The following UMPS variants were observed in gnomAD, a reference collection of about 807,000 sequenced individuals.
UMPS encodes uridine monophosphate synthetase.
In UMPS, 21 loss-of-function variants were observed where a neutral mutation model predicts 38.9. That is an observed-to-expected ratio of 0.54 (90% CI 0.38 to 0.78). The LOEUF is 0.78. Among genes scored for constraint, UMPS ranks in the 30% least tolerant of loss-of-function variants. The probability of loss-of-function intolerance (pLI) is 0.00; values close to 1 mark genes in which losing one functional copy is unlikely to be tolerated. For synonymous variants in UMPS, 208 were observed against 219.3 expected (o/e 0.95, Z 0.45); for missense variants, 533 against 591.6 (o/e 0.90, Z 1.03).
chr3:124,740,225 AG>A (rs775146946), intron 4 of UMPS, 26 bp downstream of exon 4: 7 of 1,587,048 alleles, frequency 4.4e-6, no homozygotes, highest in South Asian at 1.1e-5. Context: ...ACTGGGTGAG[AG>A]GGGGCAGGGG....
At chr3:124,737,490 TAC>T (rs1305376176) in intron 2 of UMPS, 76 bp from the exon 3 acceptor site, 2 of 1,395,906 alleles carry the variant, frequency 1.4e-6, no homozygotes, top group African/African-American at 1.4e-5. Flanking sequence ...AAGTTTTGTA[TAC>T]AGAGTGTGTG....
intron 1 of UMPS, chr3:124,732,359 T>G (rs1038343690): frequency 6.5e-6 from 1 of 154,790 alleles, no homozygotes; most frequent in Non-Finnish European, 1.5e-5. Context: ...AGGTTTTTAG[T>G]CAATATAAGG....
In UMPS at chr3:124,738,173, G is replaced by A. The variant is rs2063530809; in HGVS notation, c.916G>A (p.Glu306Lys). The change falls in exon 3 of 6, where the codon GAG (glutamate) becomes AAG (lysine). Residue 306 changes from glutamate to lysine, a missense_variant. Coordinates refer to ENST00000232607, the MANE Select transcript of UMPS (RefSeq NM_000373.4). ...GTTGATAACTCTGGCAAAATGCCAT[G>A]AGTTCTTGATATTTGAAGACCGGAA... ...KELITLAKCH[E>K]FLIFEDRKFA... The A allele has an allele frequency of 6.2e-7, 1 of 1,614,170 alleles. No individual in the cohort carries two copies.
intron 1 of UMPS, among the ~76,000 whole-genome samples, chr3:124,734,662 C>G (rs2063504929): frequency 6.6e-6 from 1 of 152,092 alleles, no homozygotes; most frequent in African/African-American, 2.4e-5. Context: ...AAGTTTGAGA[C>G]TTACCCCCAC....
At position 124,747,765 on chromosome 3, in the gene UMPS, C is replaced by A. The variant is rs913462137; in HGVS notation, c.*3681C>A. 8.9e-6 allele frequency: 4 copies of A among 451,212 alleles called. No homozygotes were observed. The highest frequency in any genetic ancestry group is 8.0e-5 in the African/African-American group (4 of 49,972). The allele number at this position is 451,212 out of a possible 1,614,324, so 28.0% of individuals were successfully genotyped here. A position where few individuals can be genotyped will look rare whatever the true frequency, so the allele number is the denominator to read the frequency against. ...ACAAAAACTGGGCTCCACCAGGAAC[C>A]AGTCTTCTGCCTTCCCAACCATCAC... is the stretch of plus-strand genomic sequence containing the variant. On this transcript the variant is annotated 3_prime_UTR_variant, in exon 6 of 6. Transcript: ENST00000232607.
In UMPS at chr3:124,745,992, A is replaced by T. The variant is rs1165075787; in HGVS notation, c.*1908A>T. The T allele has an allele frequency of 2.2e-6, 1 of 453,996 alleles. No individual in the cohort carries two copies. Among genetic ancestry groups the T allele is most frequent in the Non-Finnish European group, 4.4e-6 (1 of 226,800 alleles). 28.1% of individuals were successfully genotyped at this position (453,996 alleles called of 1,614,324 possible). A position where few individuals can be genotyped will look rare whatever the true frequency, so the allele number is the denominator to read the frequency against. On this transcript the variant is annotated 3_prime_UTR_variant, in exon 6 of 6. Coordinates refer to ENST00000232607, the MANE Select transcript of UMPS (RefSeq NM_000373.4). ...ATGGGGCTTGAGAATTTGCGTTTCC[A>T]AAAAGGTCCCAGGTGATGCTGCGGT...
chr3:124,740,128 C>T lies in UMPS; in HGVS notation c.1087C>T (p.Arg363Trp), dbSNP rs377750200. ...GCAAGAAGTGGGCCTGCCTTTGCATCGGGGGTGCCTCCTTATTGCGGAAAT... is the reference window on the plus strand; with the variant it reads ...GCAAGAAGTGGGCCTGCCTTTGCATTGGGGGTGCCTCCTTATTGCGGAAAT... ...GLQEVGLPLH[R>W]GCLLIAEMSS... The change falls in exon 4 of 6, where the codon CGG becomes TGG. Residue 363 changes from arginine to tryptophan, a missense_variant. Arg to Trp is a moderately radical substitution (Grantham distance 101). Coordinates refer to ENST00000232607, the MANE Select transcript of UMPS (RefSeq NM_000373.4). 21 of 1,613,870 alleles carry T rather than the reference C, an allele frequency of 1.3e-5. No homozygotes were observed. The highest frequency in any genetic ancestry group is 2.7e-5 in the African/African-American group (2 of 74,860).
At position 124,737,658 on chromosome 3, in the gene UMPS, A is replaced by C. The variant is rs1371770537; in HGVS notation, c.401A>C (p.Glu134Ala). The C allele has an allele frequency of 1.9e-6, 3 of 1,614,174 alleles. No individual in the cohort carries two copies. The Admixed American group carries it at 5.0e-5, about 27-fold the overall frequency. The change falls in exon 3 of 6, where the codon GAA (glutamate) becomes GCA (alanine). Residue 134 changes from glutamate (E) to alanine (A), a missense_variant. By Grantham distance (107) the Glu-to-Ala change is moderately radical (BLOSUM62 -1). Transcript: ENST00000232607. The stretch of plus-strand genomic sequence containing the variant: ...GTCACCAGTGGATCTAGTGTTTTGG[A>C]AACTGTTGAGGTTCTTCAGAAGGAG... ...DVVTSGSSVL[E>A]TVEVLQKEGL... is the part of the protein sequence containing the mutation.
chr3:124,732,693 A>G (rs1346346587), intron 1 of UMPS, among the ~76,000 whole-genome samples: 1 of 152,232 alleles, frequency 6.6e-6, no homozygotes, highest in African/African-American at 2.4e-5. Context: ...CATTGCAGAA[A>G]GTTCTATCAA....
chr3:124,742,912 T>C (rs917468530), intron 5 of UMPS, among the ~76,000 whole-genome samples: 3 of 152,216 alleles, frequency 2.0e-5, no homozygotes, highest in Non-Finnish European at 4.4e-5. Context: ...TTGCAACATA[T>C]GAGTTTTACT....
Position 124,744,408 on chromosome 3 carries a change from T to C in UMPS, c.*324T>C. On this transcript the variant is annotated 3_prime_UTR_variant, in exon 6 of 6. Transcript: ENST00000232607. ...TCCATGGGACTAGACTGCTTTGTTA[T>C]TCTATTTATTTTTTAATTTTTTTCG... 2.1e-6 allele frequency: 1 copy of C among 467,568 alleles called. No individual in the cohort carries two copies. The highest frequency in any genetic ancestry group is 1.5e-5 in the South Asian group (1 of 64,560). 29.0% of individuals were successfully genotyped at this position (467,568 alleles called of 1,614,324 possible). A position where few individuals can be genotyped will look rare whatever the true frequency, so the allele number is the denominator to read the frequency against.
chr3:124,748,363 T>C lies in UMPS; in HGVS notation c.*4279T>C, dbSNP rs888337042. On this transcript the variant is annotated 3_prime_UTR_variant, in exon 6 of 6. Transcript: ENST00000232607. ...CTTTCACATTTGTAATTTGGCCTTG[T>C]ATGAGTTACCCTGCAATCCCTTTGT... The C allele has an allele frequency of 7.0e-5, 32 of 454,068 alleles. No homozygotes were observed. Among genetic ancestry groups the C allele is most frequent in the Middle Eastern group, 1.4e-3 (2 of 1,444 alleles). The allele number at this position is 454,068 out of a possible 1,614,324, so 28.1% of individuals were successfully genotyped here. A position where few individuals can be genotyped will look rare whatever the true frequency, so the allele number is the denominator to read the frequency against.
chr3:124,743,115 C>T (rs1309293380), intron 5 of UMPS, among the ~76,000 whole-genome samples: 1 of 152,008 alleles, frequency 6.6e-6, no homozygotes, highest in Non-Finnish European at 1.5e-5. Context: ...GGGCAGATCA[C>T]CTGAGGTCAG....
At chr3:124,731,128 C>T (rs2063472843) in intron 1 of UMPS, among the ~76,000 whole-genome samples, 1 of 152,038 alleles carries the variant, frequency 6.6e-6, no homozygotes, top group African/African-American at 2.4e-5. Context: ...ATCACCTGAG[C>T]CTGGGAGGTC....
Position 124,747,243 on chromosome 3 carries a change from T to C in UMPS, c.*3159T>C. ...GGAGGAGGTTCTCACTGTGACTCAG[T>C]GTGTGCCCGACAGCAGAGCCCACAC... On this transcript the variant is annotated 3_prime_UTR_variant, in exon 6 of 6. Transcript: ENST00000232607. 2 of 451,032 alleles carry C rather than the reference T, an allele frequency of 4.4e-6. No individual in the cohort carries two copies. The highest frequency in any genetic ancestry group is 8.9e-6 in the Non-Finnish European group (2 of 224,584). 27.9% of individuals were successfully genotyped at this position (451,032 alleles called of 1,614,324 possible).
rs1321215856 is a variant in UMPS at position 124,747,116 on chromosome 3, G to A, written c.*3032G>A. 1 of 453,904 alleles carries A rather than the reference G, an allele frequency of 2.2e-6. No individual in the cohort carries two copies. Among genetic ancestry groups the A allele is most frequent in the South Asian group, 1.6e-5 (1 of 64,442 alleles). 28.1% of individuals were successfully genotyped at this position (453,904 alleles called of 1,614,324 possible). On this transcript the variant is annotated 3_prime_UTR_variant, in exon 6 of 6. Coordinates refer to ENST00000232607, the MANE Select transcript of UMPS (RefSeq NM_000373.4). ...GCTCAAGCGATCCGCTCAAGTAGCT[G>A]GAACTACTCTCAAGTAGCTCTCAAG...
Position 124,737,815 on chromosome 3 carries a change from G to GA in UMPS, c.564dup (p.Val189SerfsTer2). 1.2e-5 allele frequency: 20 copies of GA among 1,614,192 alleles called. No individual in the cohort carries two copies. Among genetic ancestry groups the GA allele is most frequent in the Non-Finnish European group, 1.7e-5 (20 of 1,180,032 alleles). On this transcript the variant is annotated frameshift_variant, in exon 3 of 6. Transcript: ENST00000232607. LOFTEE classifies it high-confidence loss of function. ...AAATGCTGGAGATTCTCGAGCAGCA[G>GA]AAAAAAGTTGATGCTGAGACAGTTG...
rs17843790 is a variant in UMPS, at chr3:124,731,668, G to A, written c.156+1041G>A. ...GAGGCTTTCTTTGGGAGGCTGAGGC[G>A]GGTGGATCACTTAAGGTCTGGAGTT... On this transcript the variant is annotated intron_variant, in intron 1 of 5. Coordinates refer to ENST00000232607, the MANE Select transcript of UMPS (RefSeq NM_000373.4). 1.1e-3 allele frequency: 262 copies of A among 234,230 alleles called. 1 individual carries two copies. The highest frequency in any genetic ancestry group is 5.8e-3 in the African/African-American group (253 of 43,568). 14.5% of individuals were successfully genotyped at this position (234,230 alleles called of 1,614,324 possible). A position where few individuals can be genotyped will look rare whatever the true frequency, so the allele number is the denominator to read the frequency against.
In UMPS at chr3:124,735,149, G is replaced by A. The variant is rs1346309623; in HGVS notation, c.213G>A (p.Val71=). ...ATGCAGGCATCAGTTTTGACACCGT[G>A]TGTGGAGTGCCTTATACAGCTTTGC... ...AQNAGISFDT[V]CGVPYTALPL... The change falls in exon 2 of 6, where the codon GTG becomes GTA. Residue 71 remains valine, a synonymous_variant. Coordinates refer to ENST00000232607, the MANE Select transcript of UMPS (RefSeq NM_000373.4). 1 of 1,614,172 alleles carries A rather than the reference G, an allele frequency of 6.2e-7. No homozygotes were observed. Among genetic ancestry groups the A allele is most frequent in the Non-Finnish European group, 8.5e-7 (1 of 1,180,008 alleles).
Sources: gnomAD v4.1 joint callset for allele counts (sites outside exome capture counted in the v4.1 genomes callset) on GRCh38, gnomAD v4.1.1 for gene constraint, MANE v1.5 for transcripts, NCBI Gene and HGNC (gene_info 2026-07-23, HGNC 2026-07-21) for gene names.